Variants in BIRC6 observed in about 807,000 individuals in gnomAD.
The protein encoded by BIRC6 is baculoviral IAP repeat containing 6.
Under a neutral mutation model 503.3 loss-of-function variants are expected in BIRC6, and 98 were observed. The observed-to-expected ratio is 0.19, with a 90% confidence interval of 0.17 to 0.23. The LOEUF (loss-of-function observed/expected upper bound fraction) is 0.23. Among genes scored for constraint, BIRC6 ranks in the 10% least tolerant of loss-of-function variants. The pLI, the probability that BIRC6 is intolerant of heterozygous loss-of-function variation, is 1.00. For missense variants in BIRC6, 5,360 were observed against 5,806.0 expected, an observed-to-expected ratio of 0.92 and a Z score of 2.50; for synonymous variants, 2,240 against 2,078.7, an observed-to-expected ratio of 1.08 and a Z score of -2.11.
chr2:32,467,139 G>A (rs1206649682), intron 26 of BIRC6, among the ~76,000 whole-genome samples: 1 of 149,580 alleles, frequency 6.7e-6, no homozygotes, highest in Non-Finnish European at 1.5e-5. Flanking sequence ...AAAAAAAAGA[G>A]GGGTTTCGCT....
rs551962985 is a variant in BIRC6, at chr2:32,609,928, T to C, written c.14260-1520T>C. On this transcript the variant is annotated intron_variant, in intron 72 of 73. Coordinates refer to ENST00000421745, the MANE Select transcript of BIRC6 (RefSeq NM_016252.4). ...CGTTAAAGGGGCCACTCCTTGGCCA[T>C]GTATGCTTTCCCAGTTTTCCTAATC... is the stretch of plus-strand genomic sequence containing the variant. Among the ~76,000 whole-genome samples, 5 of 152,320 alleles carry C rather than the reference T, an allele frequency of 3.3e-5. No individual in the cohort carries two copies. The South Asian group carries it at 1.0e-3, about 32-fold the overall frequency.
intron 9 of BIRC6, among the ~76,000 whole-genome samples, chr2:32,407,517 A>G (rs988216189): frequency 7.2e-5 from 11 of 151,910 alleles, no homozygotes; most frequent in Non-Finnish European, 1.6e-4. Flanking sequence ...GGAAGTACCC[A>G]GTATTTTTAA....
At chr2:32,561,278 G>C (rs1195460009) in intron 65 of BIRC6, among the ~76,000 whole-genome samples, 1 of 143,952 alleles carries the variant, frequency 6.9e-6, no homozygotes, top group African/African-American at 2.6e-5. Flanking sequence ...GTCTAGCTCT[G>C]TTGCCCAGGC....
At chr2:32,532,641 T>C (rs1169636736) in intron 61 of BIRC6, among the ~76,000 whole-genome samples, 1 of 152,106 alleles carries the variant, frequency 6.6e-6, no homozygotes, top group African/African-American at 2.4e-5. Context: ...GAGGACAAAA[T>C]GCAACACACA....
At chr2:32,447,649 G>T (rs1372470596) in intron 21 of BIRC6, among the ~76,000 whole-genome samples, 2 of 124,360 alleles carry the variant, frequency 1.6e-5, no homozygotes, top group Admixed American at 7.3e-5. Flanking sequence ...TGGCCGGGCA[G>T]GGGGCTGACC....
In BIRC6 at chr2:32,478,660, C is replaced by T. The variant is rs766592234; in HGVS notation, c.7094C>T (p.Thr2365Met). The T allele has an allele frequency of 2.1e-4, 337 of 1,612,176 alleles. 4 individuals are homozygous for T. In the East Asian group the frequency reaches 7.4e-3, roughly 35 times the overall value. ...CKVLARIANA[T>M]RPTIHLCEIV... is the part of the protein sequence containing the mutation. ...GTTCTTGCACGCATTGCAAATGCCACGAGGCCAACTATTCATCTGTGTGAG... is the reference window on the plus strand; with the variant it reads ...GTTCTTGCACGCATTGCAAATGCCATGAGGCCAACTATTCATCTGTGTGAG... Residue 2365 changes from threonine (T) to methionine (M), a missense_variant, in exon 36 of 74, where the codon ACG becomes ATG. Physicochemically the swap from Thr to Met is moderately conservative, Grantham distance 81 (BLOSUM62 -1). Around this residue, in one of 16 missense-constraint regions of BIRC6, gnomAD observed 2,299 missense variants for 2,267.2 expected, o/e 1.01. Transcript: ENST00000421745.
At chr2:32,441,950 A>C in intron 17 of BIRC6, 115 bp from the exon 18 acceptor site, 2 of 757,038 alleles carry the variant, frequency 2.6e-6, no homozygotes, top group Non-Finnish European at 3.9e-6. Flanking sequence ...ATTGTTTTTA[A>C]ATGTACTTGA....
At chr2:32,442,963 G>A (rs2045581204) in intron 19 of BIRC6, among the ~76,000 whole-genome samples, 1 of 151,992 alleles carries the variant, frequency 6.6e-6, no homozygotes, top group Non-Finnish European at 1.5e-5. Context: ...CATATATATA[G>A]TATTGTTTTT....
intron 5 of BIRC6, among the ~76,000 whole-genome samples, chr2:32,392,916 T>C (rs2039432761): frequency 6.6e-6 from 1 of 152,116 alleles, no homozygotes; most frequent in Non-Finnish European, 1.5e-5. Context: ...GTTGGGATTA[T>C]AAGTGTGAGA....
chr2:32,469,400 T>A lies in BIRC6; in HGVS notation c.6133T>A (p.Ser2045Thr). The change falls in exon 30 of 74, where the codon TCT (serine) becomes ACT (threonine). Residue 2045 changes from serine to threonine, a missense_variant. Ser to Thr is a moderately conservative substitution (Grantham distance 58). Transcript: ENST00000421745. ...LSLLHASNGHSVPAVLQSTFH... is the reference protein window; with the variant it reads ...LSLLHASNGHTVPAVLQSTFH... The stretch of plus-strand genomic sequence containing the variant: ...TGTTTTCTTTCTTGTAATAGGACAC[T>A]CTGTTCCTGCAGTTTTGCAGAGCAC... The A allele has an allele frequency of 6.2e-7, 1 of 1,612,220 alleles. No homozygotes were observed. Among genetic ancestry groups the A allele is most frequent in the South Asian group, 1.1e-5 (1 of 90,658 alleles).
chr2:32,577,822 T>C (rs1264573179), intron 66 of BIRC6, among the ~76,000 whole-genome samples: 1 of 152,222 alleles, frequency 6.6e-6, no homozygotes, highest in Non-Finnish European at 1.5e-5. Flanking sequence ...TTTATTTTTC[T>C]ATTTGATTAA....
chr2:32,420,194 C>T (rs1192455560), intron 10 of BIRC6, among the ~76,000 whole-genome samples: 1 of 152,024 alleles, frequency 6.6e-6, no homozygotes, highest in Non-Finnish European at 1.5e-5. Context: ...TAATCTTTAT[C>T]TGGTTTTGAT....
intron 22 of BIRC6, among the ~76,000 whole-genome samples, chr2:32,451,541 TATTA>T (rs2046728932): frequency 6.6e-6 from 1 of 152,198 alleles, no homozygotes; most frequent in Non-Finnish European, 1.5e-5. Context: ...CAGTAAAAAT[TATTA>T]ATTTTATTAA....
chr2:32,520,737 A>T lies in BIRC6; in HGVS notation c.11623+1791A>T, dbSNP rs549409417. ...GGGACTGAGGTAGGAAAATCACTTG[A>T]ACCCTAGAGGTGGAGGTTACGGTGA... On this transcript the variant is annotated intron_variant, in intron 57 of 73. Coordinates refer to ENST00000421745, the MANE Select transcript of BIRC6 (RefSeq NM_016252.4). Among the ~76,000 whole-genome samples the T allele has an allele frequency of 3.9e-5, 6 of 152,310 alleles. No homozygotes were observed. In the South Asian group the frequency reaches 1.2e-3, roughly 32 times the overall value.
intron 38 of BIRC6, 65 bp from the exon 39 acceptor site, chr2:32,482,364 G>A: frequency 6.6e-7 from 1 of 1,515,308 alleles, no homozygotes; most frequent in African/African-American, 1.4e-5. Context: ...TTTAGATAAT[G>A]TAAATAACGT....
At chr2:32,477,243 G>T in intron 34 of BIRC6, 125 bp from the exon 35 acceptor site, 1 of 770,702 alleles carries the variant, frequency 1.3e-6, no homozygotes, top group South Asian at 1.9e-5. Flanking sequence ...AACTTACAGT[G>T]TATCTAAAAA....
At chr2:32,447,143 T>C (rs942011620) in intron 21 of BIRC6, among the ~76,000 whole-genome samples, 6 of 149,874 alleles carry the variant, frequency 4.0e-5, no homozygotes, top group African/African-American at 9.9e-5. Context: ...AAGTCTCCCA[T>C]GTCTACCTCT....
chr2:32,482,421 CT>C lies in BIRC6; in HGVS notation c.7543-4del. 1 of 1,603,674 alleles carries C rather than the reference CT, an allele frequency of 6.2e-7. No individual in the cohort carries two copies. The highest frequency in any genetic ancestry group is 8.5e-7 in the Non-Finnish European group (1 of 1,175,312). ...AATAAACCACAGTTTTTTTTCCATT[CT>C]TTTAAGCCAATAAGCAGTACATGGT... On this transcript the variant is annotated splice_region_variant and splice_polypyrimidine_tract_variant and intron_variant, in intron 38 of 73. Coordinates refer to ENST00000421745, the MANE Select transcript of BIRC6 (RefSeq NM_016252.4).
rs748439499 is a variant in BIRC6 at position 32,467,566 on chromosome 2, T to A, written c.5398T>A (p.Leu1800Met). ...GACCTTGGATTTTGGGAGGCCTATA[T>A]TGTTGACTGATGTATTGATTCCCAC... ...FVTLDFGRPI[L>M]LTDVLIPTCG... The change falls in exon 27 of 74, where the codon TTG (leucine) becomes ATG (methionine). Residue 1800 changes from leucine to methionine, a missense_variant. Leu to Met is a conservative substitution (Grantham distance 15). This residue lies in a region of BIRC6 where 2,299 missense variants were observed against 2,267.2 expected (regional missense o/e 1.01). Coordinates refer to ENST00000421745, the MANE Select transcript of BIRC6 (RefSeq NM_016252.4). 3 of 1,613,978 alleles carry A rather than the reference T, an allele frequency of 1.9e-6. No homozygotes were observed. The highest frequency in any genetic ancestry group is 1.7e-5 in the Admixed American group (1 of 60,024).
Sources: gnomAD v4.1 joint callset for allele counts (sites outside exome capture counted in the v4.1 genomes callset) on GRCh38, gnomAD v4.1.1 for gene constraint, gnomAD v4.1.1 regional missense constraint, MANE v1.5 for transcripts, NCBI Gene and HGNC (gene_info 2026-07-23, HGNC 2026-07-21) for gene names.